Variants in NRXN3 observed in about 807,000 individuals in gnomAD.
The protein encoded by NRXN3 is neurexin 3, also known as neurexin III.
A neutral mutation model predicts 137.6 loss-of-function variants in NRXN3; 32 were observed. The ratio of observed to expected loss-of-function variants is 0.23; its 90% CI spans 0.18 to 0.31. The LOEUF is 0.31. Among genes scored for constraint, NRXN3 ranks in the 10% least tolerant of loss-of-function variants. The pLI, the probability that NRXN3 is intolerant of heterozygous loss-of-function variation, is 1.00. For synonymous variants in NRXN3, 798 were observed against 784.5 expected (o/e 1.02, Z -0.29); for missense variants, 1,574 against 2,062.5 (o/e 0.76, Z 4.59).
intron 15 of NRXN3, among the ~76,000 whole-genome samples, chr14:79,462,792 C>T (rs896960551): frequency 5.7e-5 from 8 of 140,286 alleles, no homozygotes; most frequent in African/African-American, 2.5e-4. Context: ...GTTTTTCACA[C>T]ACATGCATGC....
At chr14:79,763,060 C>G (rs988456270) in intron 19 of NRXN3, among the ~76,000 whole-genome samples, 1 of 151,010 alleles carries the variant, frequency 6.6e-6, no homozygotes, top group Non-Finnish European at 1.5e-5. Context: ...GATGTTCCCC[C>G]CTCCCTGTGT....
At chr14:79,185,617 C>T (rs547926058) in intron 15 of NRXN3, among the ~76,000 whole-genome samples, 2 of 152,200 alleles carry the variant, frequency 1.3e-5, no homozygotes, top group Non-Finnish European at 2.9e-5. Context: ...AGGCGCCCGC[C>T]ACCACGCCCG....
At chr14:78,207,826 T>C (rs565988509) in intron 1 of NRXN3, among the ~76,000 whole-genome samples, 55 of 152,378 alleles carry the variant, frequency 3.6e-4, no homozygotes, top group African/African-American at 1.3e-3. Flanking sequence ...TGGTGCCTTC[T>C]TGGGGGGTCT....
At chr14:79,148,435 A>T (rs1285861627) in intron 15 of NRXN3, among the ~76,000 whole-genome samples, 1 of 152,088 alleles carries the variant, frequency 6.6e-6, no homozygotes, top group African/African-American at 2.4e-5. Flanking sequence ...ATTATTTCAG[A>T]CTCGGGAGTA....
chr14:79,211,059 C>A (rs2067583304), intron 15 of NRXN3, among the ~76,000 whole-genome samples: 1 of 152,024 alleles, frequency 6.6e-6, no homozygotes, highest in African/African-American at 2.4e-5. Flanking sequence ...ATTTTCATTT[C>A]TTTGGACAAG....
At chr14:79,319,200 A>G (rs1457830795) in intron 15 of NRXN3, among the ~76,000 whole-genome samples, 1 of 152,234 alleles carries the variant, frequency 6.6e-6, no homozygotes, top group Non-Finnish European at 1.5e-5. Context: ...AAGTATTCCC[A>G]GACTTTCAAA....
intron 15 of NRXN3, among the ~76,000 whole-genome samples, chr14:79,031,907 G>A (rs1303802517): frequency 6.6e-6 from 1 of 152,124 alleles, no homozygotes; most frequent in African/African-American, 2.4e-5. Flanking sequence ...TGGCTGCTGA[G>A]ACTGCAGAGG....
rs867607171 is a variant in NRXN3, at chr14:79,863,000, A to C, written c.*1036A>C. 7.9e-5 allele frequency: 12 copies of C among 152,746 alleles called. No individual in the cohort carries two copies. Among genetic ancestry groups the C allele is most frequent in the Admixed American group, 2.0e-4 (3 of 15,298 alleles). 9.5% of individuals were successfully genotyped at this position (152,746 alleles called of 1,614,324 possible). On this transcript the variant is annotated 3_prime_UTR_variant, in exon 21 of 21. Transcript: ENST00000335750. ...GGGAGGTGGGCTGGATCTGTGACTG[A>C]TTGAAATGCATGCAAATAAAAAAGA...
intron 14 of NRXN3, among the ~76,000 whole-genome samples, chr14:78,983,854 T>TAAAAAAAAA (rs965751583): frequency 3.8e-5 from 4 of 105,940 alleles, no homozygotes; most frequent in Non-Finnish European, 8.1e-5. Flanking sequence ...AGATTCCATT[T>TAAAAAAAAA]AAAAAAAAAA....
At chr14:79,366,620 C>G (rs550891362) in intron 15 of NRXN3, among the ~76,000 whole-genome samples, 116 of 152,224 alleles carry the variant, frequency 7.6e-4, no homozygotes, top group African/African-American at 2.8e-3. Flanking sequence ...TTTTCCATAG[C>G]TCACTAATTT....
intron 19 of NRXN3, among the ~76,000 whole-genome samples, chr14:79,754,503 GATATATATATATATATATATATATAT>G (rs57962525): frequency 0.019 from 847 of 44,168 alleles, 34 homozygotes; most frequent in African/African-American, 0.035. Context: ...ACTCTCTCTT[GATATATATATATATATATATATATAT>G]ATATATATAT....
At chr14:78,783,201 G>A (rs1027170269) in intron 8 of NRXN3, among the ~76,000 whole-genome samples, 2 of 152,170 alleles carry the variant, frequency 1.3e-5, no homozygotes, top group African/African-American at 4.8e-5. Flanking sequence ...CCAGGAACAA[G>A]GCATGGGAAT....
intron 4 of NRXN3, among the ~76,000 whole-genome samples, chr14:78,390,691 A>C (rs1464441487): frequency 1.3e-5 from 2 of 152,218 alleles, no homozygotes; most frequent in African/African-American, 4.8e-5. Context: ...GTACCAATAT[A>C]TAATGTTAAA....
chr14:79,548,743 A>C lies in NRXN3; in HGVS notation c.3444+81341A>C, dbSNP rs548673163. 9.4e-5 allele frequency among the ~76,000 whole-genome samples: 8 copies of C among 85,058 alleles called. No individual in the cohort carries two copies. In the South Asian group the frequency reaches 2.9e-3, roughly 31 times the overall value. 55.8% of individuals were successfully genotyped at this position (85,058 alleles called of 152,430 possible). A position where few individuals can be genotyped will look rare whatever the true frequency, so the allele number is the denominator to read the frequency against. ...ATCCTTAAAGATACAGTACATTTAA[A>C]GATTAAAAAAAAAAAAAACAAAAAA... On this transcript the variant is annotated intron_variant, in intron 16 of 20. Coordinates refer to ENST00000335750, the MANE Select transcript of NRXN3 (RefSeq NM_001330195.2).
chr14:78,709,751 T>G, intron 7 of NRXN3, 96 bp downstream of exon 7: 1 of 1,098,094 alleles, frequency 9.1e-7, no homozygotes, highest in South Asian at 1.5e-5. Context: ...CACCCTTGCA[T>G]GCTTGTTGAT....
At chr14:78,986,691 C>A (rs1298837246) in intron 14 of NRXN3, among the ~76,000 whole-genome samples, 1 of 152,060 alleles carries the variant, frequency 6.6e-6, no homozygotes, top group African/African-American at 2.4e-5. Context: ...AAATGATTCT[C>A]TTTTGCATGC....
Position 78,977,077 on chromosome 14 carries a change from G to A in NRXN3, c.3142+8731G>A, listed in dbSNP as rs145858101. Among the ~76,000 whole-genome samples, 795 of 152,238 alleles carry A rather than the reference G, an allele frequency of 5.2e-3. 3 individuals are homozygous for A. The highest frequency in any genetic ancestry group is 0.018 in the African/African-American group (738 of 41,554). On this transcript the variant is annotated intron_variant, in intron 14 of 20. Transcript: ENST00000335750. ...TAGAAATACATATCTCCCTTATACA[G>A]ATGGGGACACTGAGGTTTAGAGTTT...
intron 15 of NRXN3, among the ~76,000 whole-genome samples, chr14:79,436,976 G>C (rs185675279): frequency 6.6e-6 from 1 of 152,198 alleles, no homozygotes; most frequent in African/African-American, 2.4e-5. Flanking sequence ...TTTCTGTGTT[G>C]CAAACCTTGT....
At chr14:79,019,677 C>T (rs941106543) in intron 15 of NRXN3, among the ~76,000 whole-genome samples, 2 of 152,028 alleles carry the variant, frequency 1.3e-5, no homozygotes, top group Non-Finnish European at 2.9e-5. Context: ...ACACAGAGGC[C>T]CATGGAGTGG....
Sources: allele counts gnomAD v4.1 joint callset (sites outside exome capture counted in the v4.1 genomes callset), GRCh38; gene constraint gnomAD v4.1.1; transcripts MANE v1.5; gene names NCBI Gene and HGNC (gene_info 2026-07-23, HGNC 2026-07-21).